The following KIAA0319L variants were observed in gnomAD, a reference collection of about 807,000 sequenced individuals.
KIAA0319L encodes KIAA0319 like.
A neutral mutation model predicts 120.1 loss-of-function variants in KIAA0319L; 55 were observed. The ratio of observed to expected loss-of-function variants is 0.46; its 90% CI spans 0.37 to 0.57. The LOEUF (loss-of-function observed/expected upper bound fraction) is 0.57, where lower values mean the gene tolerates loss of function less well. Among genes scored for constraint, KIAA0319L ranks in the 20% least tolerant of loss-of-function variants. KIAA0319L has a pLI of 0.00. For missense variants in KIAA0319L, 1,049 were observed against 1,255.3 expected (o/e 0.84, Z 2.48); for synonymous variants, 398 against 471.9 (o/e 0.84, Z 2.03).
At chr1:35,480,184 T>A (rs1410561912) in intron 3 of KIAA0319L, among the ~76,000 whole-genome samples, 1 of 152,074 alleles carries the variant, frequency 6.6e-6, no homozygotes, top group Non-Finnish European at 1.5e-5. Flanking sequence ...TGGTCTGTAT[T>A]GGGAACTGAC....
intron 3 of KIAA0319L, among the ~76,000 whole-genome samples, chr1:35,483,248 A>G (rs1644245326): frequency 6.6e-6 from 1 of 152,168 alleles, no homozygotes; most frequent in Non-Finnish European, 1.5e-5. Flanking sequence ...TAATTTTGAT[A>G]AGCTCCAATT....
intron 16 of KIAA0319L, among the ~76,000 whole-genome samples, chr1:35,445,795 G>A (rs1415995354): frequency 6.6e-6 from 1 of 152,132 alleles, no homozygotes; most frequent in Non-Finnish European, 1.5e-5. Context: ...TGTTCTTCCT[G>A]AATTCCTTAA....
intron 2 of KIAA0319L, among the ~76,000 whole-genome samples, chr1:35,522,615 GTAT>G (rs978325408): frequency 6.6e-6 from 1 of 151,892 alleles, no homozygotes; most frequent in African/African-American, 2.4e-5. Flanking sequence ...CAATGTACCC[GTAT>G]TATTTTCTTT....
chr1:35,538,195 T>C (rs1646655082), intron 2 of KIAA0319L, among the ~76,000 whole-genome samples: 1 of 152,184 alleles, frequency 6.6e-6, no homozygotes, highest in South Asian at 2.1e-4. Context: ...GCCTGATATA[T>C]TATTTGTTGA....
chr1:35,435,847 A>G (rs1458550833), intron 20 of KIAA0319L, among the ~76,000 whole-genome samples: 1 of 152,184 alleles, frequency 6.6e-6, no homozygotes, highest in Non-Finnish European at 1.5e-5. Context: ...AAGAGTTCCA[A>G]CAGCAAAGAT....
At chr1:35,479,693 C>T (rs576033334) in intron 3 of KIAA0319L, among the ~76,000 whole-genome samples, 50 of 152,110 alleles carry the variant, frequency 3.3e-4, no homozygotes, top group Admixed American at 3.1e-3. Flanking sequence ...CCACTTGAAC[C>T]TAGGAGTTCA....
chr1:35,485,473 T>C (rs958300943), intron 3 of KIAA0319L, among the ~76,000 whole-genome samples: 4 of 152,230 alleles, frequency 2.6e-5, no homozygotes, highest in Non-Finnish European at 5.9e-5. Flanking sequence ...TTACAGCCAG[T>C]TCTCAAGTCC....
At chr1:35,503,092 T>A (rs1412400862) in intron 3 of KIAA0319L, among the ~76,000 whole-genome samples, 1 of 148,560 alleles carries the variant, frequency 6.7e-6, no homozygotes, top group African/African-American at 2.6e-5. Flanking sequence ...TTTACCCCAC[T>A]CTCTAAACCT....
intron 3 of KIAA0319L, among the ~76,000 whole-genome samples, chr1:35,493,107 T>G (rs998961323): frequency 3.9e-5 from 6 of 152,332 alleles, no homozygotes; most frequent in Non-Finnish European, 7.3e-5. Flanking sequence ...GCTGTCTTTA[T>G]TTATAGACAA....
At chr1:35,484,806 A>ATATATTTTTT (rs1381080295) in intron 3 of KIAA0319L, among the ~76,000 whole-genome samples, 1 of 86,262 alleles carries the variant, frequency 1.2e-5, no homozygotes, top group African/African-American at 6.0e-5. Context: ...ATATATATAT[A>ATATATTTTTT]TTTTTTTTTT....
At chr1:35,490,046 G>C (rs369437040) in intron 3 of KIAA0319L, among the ~76,000 whole-genome samples, 1 of 152,046 alleles carries the variant, frequency 6.6e-6, no homozygotes, top group Non-Finnish European at 1.5e-5. Context: ...CTGCAGCCTC[G>C]ACCTCCCAGG....
In KIAA0319L at chr1:35,507,132, G is replaced by A. The variant is rs1447961292; in HGVS notation, c.146C>T (p.Ala49Val). The A allele has an allele frequency of 6.6e-7, 1 of 1,516,604 alleles. No homozygotes were observed. Among genetic ancestry groups the A allele is most frequent in the African/African-American group, 1.4e-5 (1 of 71,582 alleles). The allele number at this position is 1,516,604 out of a possible 1,614,324, so 93.9% of individuals were successfully genotyped here. ...CCCCTGCTGGCACCTGCTCTCACTG[G>A]CATCTAAAAACAAAGAATGAAAACA... is the stretch of plus-strand genomic sequence containing the variant. ...CFSVLWLSTD[A>V]SESRCQQGKT... Residue 49 changes from alanine to valine, a missense_variant, in exon 3 of 21, where the codon GCC (alanine) becomes GTC (valine). Physicochemically the swap from Ala to Val is moderately conservative, Grantham distance 64. Coordinates refer to ENST00000325722, the MANE Select transcript of KIAA0319L (RefSeq NM_024874.5).
At chr1:35,509,021 A>C (rs1460684468) in intron 2 of KIAA0319L, among the ~76,000 whole-genome samples, 1 of 152,186 alleles carries the variant, frequency 6.6e-6, no homozygotes, top group Admixed American at 6.5e-5. Context: ...ACTGGACAAC[A>C]GGCAGTGCAG....
At chr1:35,493,595 G>A (rs1050834133) in intron 3 of KIAA0319L, among the ~76,000 whole-genome samples, 17 of 152,012 alleles carry the variant, frequency 1.1e-4, no homozygotes, top group South Asian at 2.1e-4. Flanking sequence ...AGATTTAGCC[G>A]TAATCCTAGC....
intron 16 of KIAA0319L, among the ~76,000 whole-genome samples, chr1:35,446,354 T>C (rs575527480): frequency 5.3e-5 from 8 of 152,330 alleles, no homozygotes; most frequent in Non-Finnish European, 1.2e-4. Context: ...TTTAAAAAGA[T>C]GTTCATGTTC....
rs142074184 is a variant in KIAA0319L, at chr1:35,450,237, T to C, written c.2214+121A>G. On this transcript the variant is annotated intron_variant, in intron 14 of 20. Transcript: ENST00000325722. ...CCCTAAGCAAGTCACTTCACCTCCC[T>C]GGATTTCAGAGAACAATCTGGGTTT... 51 of 1,176,118 alleles carry C rather than the reference T, an allele frequency of 4.3e-5. No individual in the cohort carries two copies. In the African/African-American group the frequency reaches 6.9e-4, roughly 16 times the overall value. 72.9% of individuals were successfully genotyped at this position (1,176,118 alleles called of 1,614,324 possible).
intron 4 of KIAA0319L, among the ~76,000 whole-genome samples, chr1:35,476,989 T>G (rs1002202223): frequency 1.3e-5 from 2 of 151,932 alleles, no homozygotes; most frequent in Non-Finnish European, 2.9e-5. Flanking sequence ...GCTTTAAAAA[T>G]AAAGATGCTT....
chr1:35,554,601 A>T, intron 1 of KIAA0319L, 82 bp from the exon 2 acceptor site: 2 of 1,045,424 alleles, frequency 1.9e-6, no homozygotes, highest in Non-Finnish European at 2.7e-6. Context: ...AGAAAATATG[A>T]CAGATTAGGG....
intron 7 of KIAA0319L, among the ~76,000 whole-genome samples, chr1:35,464,659 T>G (rs1234837892): frequency 6.6e-6 from 1 of 152,194 alleles, no homozygotes; most frequent in Non-Finnish European, 1.5e-5. Flanking sequence ...GAGCTGAAAG[T>G]TAATCCCCAA....
Sources: gnomAD v4.1 joint callset for allele counts (sites outside exome capture counted in the v4.1 genomes callset) on GRCh38, gnomAD v4.1.1 for gene constraint, MANE v1.5 for transcripts, NCBI Gene and HGNC (gene_info 2026-07-23, HGNC 2026-07-21) for gene names.